Variants in PIGB observed in about 807,000 individuals in gnomAD.
PIGB encodes the protein phosphatidylinositol glycan anchor biosynthesis class B, also known as GPI alpha-1,2-mannosyltransferase 3.
In PIGB, 58 loss-of-function variants were observed where a neutral mutation model predicts 68.4. The ratio of observed to expected loss-of-function variants is 0.85; its 90% CI spans 0.69 to 1.06. The LOEUF is 1.06. Among genes scored for constraint, PIGB ranks in the 50% least tolerant of loss-of-function variants. PIGB has a pLI of 0.00. For missense variants in PIGB, 634 were observed against 655.8 expected (o/e 0.97, Z 0.36); for synonymous variants, 219 against 220.5 (o/e 0.99, Z 0.06).
At position 55,354,825 on chromosome 15, in the gene PIGB, A is replaced by G. The variant is rs2056036685; in HGVS notation, c.1365A>G (p.Arg455=). The G allele has an allele frequency of 5.6e-6, 9 of 1,612,030 alleles. No homozygotes were observed. ...YSHVHCPLPM[R]FLQCPPDLTG... The stretch of plus-strand genomic sequence containing the variant: ...ATGTTCACTGCCCACTTCCCATGAG[A>G]TTTCTCCAGTGCCCGCCAGACCTGA... The change falls in exon 11 of 12, where the codon AGA becomes AGG. Residue 455 remains arginine, a synonymous_variant. Coordinates refer to ENST00000164305, the MANE Select transcript of PIGB (RefSeq NM_004855.5).
chr15:55,334,623 T>C (rs527988804), intron 6 of PIGB, among the ~76,000 whole-genome samples: 1 of 152,374 alleles, frequency 6.6e-6, no homozygotes, highest in South Asian at 2.1e-4. Context: ...ATGCACCGCA[T>C]AATGACATTT....
At chr15:55,354,751 C>T (rs1595812230) in intron 10 of PIGB, 47 bp from the exon 11 acceptor site, 13 of 1,460,260 alleles carry the variant, frequency 8.9e-6, no homozygotes, top group Non-Finnish European at 1.2e-5. Flanking sequence ...CTAATGAAAA[C>T]TTTCATGTTT....
intron 1 of PIGB, chr15:55,320,024 T>C (rs747874452): frequency 1.7e-5 from 5 of 301,654 alleles, no homozygotes; most frequent in Non-Finnish European, 2.4e-5. Flanking sequence ...TTTTTTTTTG[T>C]ATTTATTTTA....
intron 9 of PIGB, among the ~76,000 whole-genome samples, chr15:55,342,602 G>C (rs2055696274): frequency 6.6e-6 from 1 of 152,148 alleles, no homozygotes. Context: ...GTGTTGGCCA[G>C]GCTGGTCTCG....
intron 3 of PIGB, among the ~76,000 whole-genome samples, chr15:55,325,004 G>A (rs1007058507): frequency 2.0e-5 from 3 of 152,186 alleles, no homozygotes; most frequent in African/African-American, 7.2e-5. Flanking sequence ...CTCCTATAAT[G>A]TGGACTTAAT....
intron 6 of PIGB, among the ~76,000 whole-genome samples, chr15:55,334,268 A>G (rs1165161938): frequency 6.6e-6 from 1 of 152,204 alleles, no homozygotes; most frequent in Non-Finnish European, 1.5e-5. Flanking sequence ...TATTTCTCAC[A>G]TATATTTTAG....
intron 11 of PIGB, 53 bp from the exon 12 acceptor site, chr15:55,355,233 C>G (rs947837999): frequency 3.7e-5 from 52 of 1,416,104 alleles, no homozygotes; most frequent in Non-Finnish European, 4.8e-5. Flanking sequence ...TTGACTGAAA[C>G]AGTACTCAGC....
At chr15:55,339,339 C>T in intron 7 of PIGB, 21 bp downstream of exon 7, 1 of 1,442,976 alleles carries the variant, frequency 6.9e-7, no homozygotes, top group Non-Finnish European at 9.5e-7. Context: ...GTATATTAAG[C>T]TAACAGCTAT....
In PIGB at chr15:55,355,499, C is replaced by T; in HGVS notation, c.*67C>T. ...GATGCTGCTTAAATACTTCGGTAAA[C>T]ACTGGGTAAGATTCATGGAACTTAG... On this transcript the variant is annotated 3_prime_UTR_variant, in exon 12 of 12. Coordinates refer to ENST00000164305, the MANE Select transcript of PIGB (RefSeq NM_004855.5). 1 of 1,298,960 alleles carries T rather than the reference C, an allele frequency of 7.7e-7. No individual in the cohort carries two copies. Among genetic ancestry groups the T allele is most frequent in the Non-Finnish European group, 1.1e-6 (1 of 928,022 alleles). 80.5% of individuals were successfully genotyped at this position (1,298,960 alleles called of 1,614,324 possible).
chr15:55,353,358 C>T lies in PIGB; in HGVS notation c.1338-1440C>T, dbSNP rs2247458. Among the ~76,000 whole-genome samples, 62 of 152,312 alleles carry T rather than the reference C, an allele frequency of 4.1e-4. No homozygotes were observed. The South Asian group carries it at 0.012, about 31-fold the overall frequency. ...GAGGAATTTCTGCTTCCCTTTGAAA[C>T]AAGACCTTCATTTCCAATAAATAAA... On this transcript the variant is annotated intron_variant, in intron 10 of 11. Transcript: ENST00000164305.
At chr15:55,319,570 C>T in intron 1 of PIGB, 157 bp downstream of exon 1, 1 of 594,370 alleles carries the variant, frequency 1.7e-6, no homozygotes. Flanking sequence ...AATATAAATT[C>T]TGATTTTTAA....
At chr15:55,335,865 G>C (rs1001890465) in intron 6 of PIGB, among the ~76,000 whole-genome samples, 1 of 152,098 alleles carries the variant, frequency 6.6e-6, no homozygotes, top group Non-Finnish European at 1.5e-5. Flanking sequence ...GATAGCAGGG[G>C]CTCAGTTCCT....
rs74396022 is a variant in PIGB, at chr15:55,321,607, A to G, written c.417+217A>G. 2.8e-5 allele frequency among the ~76,000 whole-genome samples: 4 copies of G among 141,402 alleles called. No individual in the cohort carries two copies. In the East Asian group the frequency reaches 8.4e-4, roughly 30 times the overall value. The allele number at this position is 141,402 out of a possible 152,430, so 92.8% of individuals were successfully genotyped here. A position where few individuals can be genotyped will look rare whatever the true frequency, so the allele number is the denominator to read the frequency against. ...TGATGTGCAGATTTTCAAAATGACTATATTATGTATTATTTGGACATTAGA... is the reference window on the plus strand; with the variant it reads ...TGATGTGCAGATTTTCAAAATGACTGTATTATGTATTATTTGGACATTAGA... On this transcript the variant is annotated intron_variant, in intron 3 of 11. Transcript: ENST00000164305.
intron 5 of PIGB, among the ~76,000 whole-genome samples, chr15:55,331,684 G>A (rs907132942): frequency 3.9e-5 from 6 of 151,936 alleles, no homozygotes; most frequent in African/African-American, 1.5e-4. Flanking sequence ...TTGCACTCCA[G>A]CCTGGGCAAC....
At chr15:55,326,931 G>A (rs973563355) in intron 3 of PIGB, among the ~76,000 whole-genome samples, 30 of 151,982 alleles carry the variant, frequency 2.0e-4, no homozygotes, top group Non-Finnish European at 8.8e-5. Context: ...GCTCACGCTT[G>A]TAATCCCAAC....
rs745639719 is a variant in PIGB, at chr15:55,319,285, CG to C, written c.41del (p.Gly14AlafsTer19). ...RRPLSKCGME[P>X]GGGDASLTLH... is the part of the protein sequence containing the mutation. ...CCCCTAAGCAAGTGCGGAATGGAGC[CG>C]GGGGGCGGAGATGCCAGCCTCACTT... On this transcript the variant is annotated frameshift_variant, in exon 1 of 12. Coordinates refer to ENST00000164305, the MANE Select transcript of PIGB (RefSeq NM_004855.5). LOFTEE classifies it high-confidence loss of function. 2 of 1,606,808 alleles carry C rather than the reference CG, an allele frequency of 1.2e-6. No individual in the cohort carries two copies. The highest frequency in any genetic ancestry group is 1.7e-5 in the Admixed American group (1 of 58,978).
At chr15:55,353,102 A>AGAT in intron 10 of PIGB, among the ~76,000 whole-genome samples, 1 of 152,338 alleles carries the variant, frequency 6.6e-6, no homozygotes, top group Non-Finnish European at 1.5e-5. Flanking sequence ...CAGGAATCCT[A>AGAT]GATGTACCAA....
chr15:55,325,552 C>T (rs962846779), intron 3 of PIGB, among the ~76,000 whole-genome samples: 7 of 151,984 alleles, frequency 4.6e-5, no homozygotes, highest in African/African-American at 1.2e-4. Context: ...CAGTTTTACA[C>T]TTAAATTTAC....
intron 9 of PIGB, among the ~76,000 whole-genome samples, chr15:55,349,231 G>A (rs943365269): frequency 6.6e-6 from 1 of 152,100 alleles, no homozygotes; most frequent in Non-Finnish European, 1.5e-5. Context: ...CACCCAGGCT[G>A]GAGTGCAGTG....
Sources: allele counts gnomAD v4.1 joint callset (sites outside exome capture counted in the v4.1 genomes callset), GRCh38; gene constraint gnomAD v4.1.1; transcripts MANE v1.5; gene names NCBI Gene and HGNC (gene_info 2026-07-23, HGNC 2026-07-21).